Variants in DOCK10 observed in about 807,000 individuals in gnomAD.
The protein encoded by DOCK10 is dedicator of cytokinesis 10, also known as dedicator of cytokinesis protein 10.
Under a neutral mutation model 280.1 loss-of-function variants are expected in DOCK10, and 145 were observed. The observed-to-expected ratio is 0.52, with a 90% confidence interval of 0.45 to 0.59. The LOEUF (loss-of-function observed/expected upper bound fraction) is 0.59. DOCK10 is among the 20% of genes least tolerant of loss of function. DOCK10 has a pLI of 0.00. For missense variants in DOCK10, 2,368 were observed against 2,651.7 expected (o/e 0.89, Z 2.35); for synonymous variants, 915 against 942.2 (o/e 0.97, Z 0.53).
At chr2:225,025,755 T>C (rs1689903537) in intron 1 of DOCK10, among the ~76,000 whole-genome samples, 1 of 152,168 alleles carries the variant, frequency 6.6e-6, no homozygotes. Context: ...AATGCCATAC[T>C]GCTCCCCTTT....
At chr2:224,823,078 C>A (rs1245688093) in intron 28 of DOCK10, among the ~76,000 whole-genome samples, 1 of 147,642 alleles carries the variant, frequency 6.8e-6, no homozygotes, top group Admixed American at 6.7e-5. Flanking sequence ...ACCTCCGCCT[C>A]CCAGGTTCAA....
intron 1 of DOCK10, among the ~76,000 whole-genome samples, chr2:224,978,332 C>T (rs575057641): frequency 1.1e-4 from 17 of 152,164 alleles, no homozygotes. Flanking sequence ...ACTTGGGAGG[C>T]TGAGGCAGAA....
intron 13 of DOCK10, among the ~76,000 whole-genome samples, chr2:224,863,802 A>C (rs1000453565): frequency 1.3e-5 from 2 of 152,214 alleles, no homozygotes; most frequent in African/African-American, 4.8e-5. Context: ...AAGAAAATCT[A>C]ATAGAAAAGA....
intron 11 of DOCK10, 73 bp downstream of exon 11, chr2:224,873,923 A>G (rs1314458468): frequency 6.7e-7 from 1 of 1,482,820 alleles, no homozygotes; most frequent in Admixed American, 2.2e-5. Flanking sequence ...ATTAGCAGGA[A>G]TAGAAAAGAT....
At chr2:224,985,592 A>T (rs1705951598) in intron 1 of DOCK10, among the ~76,000 whole-genome samples, 1 of 151,680 alleles carries the variant, frequency 6.6e-6, no homozygotes, top group Non-Finnish European at 1.5e-5. Flanking sequence ...AGGAAGAAAA[A>T]GTAAGGCATT....
chr2:224,941,516 G>A (rs1399814967), intron 1 of DOCK10, among the ~76,000 whole-genome samples: 1 of 152,128 alleles, frequency 6.6e-6, no homozygotes, highest in Non-Finnish European at 1.5e-5. Flanking sequence ...CACCTCAGGG[G>A]AACAAAGTGG....
chr2:224,865,421 T>C (rs1428574255), intron 11 of DOCK10, among the ~76,000 whole-genome samples: 5 of 152,196 alleles, frequency 3.3e-5, no homozygotes, highest in Non-Finnish European at 7.3e-5. Context: ...TGTAATGAAA[T>C]CCTAGAAGTT....
At chr2:224,926,631 C>T (rs1559783641) in intron 2 of DOCK10, among the ~76,000 whole-genome samples, 3 of 152,158 alleles carry the variant, frequency 2.0e-5, no homozygotes, top group Admixed American at 1.3e-4. Context: ...AAAAGGGAAA[C>T]GTGTTCTTAG....
intron 2 of DOCK10, among the ~76,000 whole-genome samples, chr2:224,919,158 T>C (rs1701536873): frequency 6.7e-6 from 1 of 149,358 alleles, no homozygotes; most frequent in South Asian, 2.1e-4. Flanking sequence ...GTATGTGTGG[T>C]GTGTGGTGGG....
intron 41 of DOCK10, among the ~76,000 whole-genome samples, chr2:224,798,934 C>T (rs1032336203): frequency 3.9e-5 from 6 of 152,140 alleles, no homozygotes; most frequent in Admixed American, 2.0e-4. Flanking sequence ...ACACCTGCCC[C>T]GGCTCAATCC....
Position 224,817,341 on chromosome 2 carries a change from A to C in DOCK10, c.3268-628T>G, listed in dbSNP as rs1694194969. Among the ~76,000 whole-genome samples, 2 of 152,248 alleles carry C rather than the reference A, an allele frequency of 1.3e-5. 1 individual carries two copies. The highest frequency in any genetic ancestry group is 1.3e-4 in the Admixed American group (2 of 15,290). ...AACAGCCACATCAGTAGGAAAAATAAGCATGTTCCTGACTGCTCTATTTTT... is the reference window on the plus strand; with the variant it reads ...AACAGCCACATCAGTAGGAAAAATACGCATGTTCCTGACTGCTCTATTTTT... On this transcript the variant is annotated intron_variant, in intron 29 of 55. Transcript: ENST00000258390.
intron 45 of DOCK10, among the ~76,000 whole-genome samples, chr2:224,794,080 A>C (rs990663884): frequency 1.3e-5 from 2 of 152,162 alleles, no homozygotes; most frequent in Non-Finnish European, 2.9e-5. Flanking sequence ...TTTCCTTTTG[A>C]GGTTTTATGG....
intron 21 of DOCK10, among the ~76,000 whole-genome samples, 178 bp from the exon 22 acceptor site, chr2:224,845,017 G>A (rs16866221): frequency 0.017 from 2,663 of 152,188 alleles, 77 homozygotes; most frequent in African/African-American, 0.061. Context: ...ATATGACATC[G>A]GGATCATTTT....
intron 51 of DOCK10, among the ~76,000 whole-genome samples, chr2:224,777,875 T>C (rs755818720): frequency 7.2e-5 from 11 of 152,242 alleles, no homozygotes; most frequent in Non-Finnish European, 1.3e-4. Context: ...TTTCAGGCTT[T>C]GATTGCTATT....
intron 1 of DOCK10, among the ~76,000 whole-genome samples, chr2:225,000,428 G>T (rs900352945): frequency 3.3e-5 from 5 of 152,220 alleles, no homozygotes; most frequent in African/African-American, 1.2e-4. Flanking sequence ...ACATGCGGAA[G>T]AGTGAAAGTT....
intron 3 of DOCK10, among the ~76,000 whole-genome samples, chr2:224,907,228 T>C (rs1700702346): frequency 6.6e-6 from 1 of 152,212 alleles, no homozygotes; most frequent in Non-Finnish European, 1.5e-5. Flanking sequence ...TTTATGATCA[T>C]TGTTAATTAC....
intron 31 of DOCK10, among the ~76,000 whole-genome samples, chr2:224,808,674 GAGAAC>G (rs1354522018): frequency 6.6e-6 from 1 of 152,110 alleles, no homozygotes; most frequent in Non-Finnish European, 1.5e-5. Context: ...CTAGATGATG[GAGAAC>G]AGTACAATTT....
rs1198606023 is a variant in DOCK10 at position 224,811,894 on chromosome 2, T to C, written c.3409+2426A>G. Among the ~76,000 whole-genome samples the C allele has an allele frequency of 2.0e-5, 3 of 152,120 alleles. No homozygotes were observed. The East Asian group carries it at 5.8e-4, about 29-fold the overall frequency. On this transcript the variant is annotated intron_variant, in intron 31 of 55. Transcript: ENST00000258390. ...TGCTGTTTTGGTTACTGTAGCCTTG[T>C]AGTATAGTTTGAAGTCAGGTAGCGT...
At position 224,793,060 on chromosome 2, in the gene DOCK10, A is replaced by G; in HGVS notation, c.5225T>C (p.Val1742Ala). The change falls in exon 47 of 56, where the codon GTG becomes GCG. Residue 1742 changes from valine to alanine, a missense_variant. Val to Ala is a moderately conservative substitution (Grantham distance 64). This residue lies in a region of DOCK10 where 1,159 missense variants were observed against 1,400.8 expected (regional missense o/e 0.83). Transcript: ENST00000258390. Reference protein sequence around the residue: ...EYLKRKGYWKVEKICTASLLS... With the variant: ...EYLKRKGYWKAEKICTASLLS... ...CAGGGATGCTGTGCAAATCTTTTCC[A>G]CTTTCCAGTAACCTATGGTAGTGCA... 3 of 1,612,716 alleles carry G rather than the reference A, an allele frequency of 1.9e-6. No homozygotes were observed. Among genetic ancestry groups the G allele is most frequent in the Non-Finnish European group, 2.5e-6 (3 of 1,179,070 alleles).
Sources: gnomAD v4.1 joint callset for allele counts (sites outside exome capture counted in the v4.1 genomes callset) on GRCh38, gnomAD v4.1.1 for gene constraint, gnomAD v4.1.1 regional missense constraint, MANE v1.5 for transcripts, NCBI Gene and HGNC (gene_info 2026-07-23, HGNC 2026-07-21) for gene names.